RABEP1: variants seen among roughly 807,000 people sequenced by gnomAD.
The protein encoded by RABEP1 is rab GTPase-binding effector protein 1.
RABEP1 carries 51 observed loss-of-function variants against 123.4 expected under a neutral mutation model. That is an observed-to-expected ratio of 0.41 (90% CI 0.33 to 0.52). The LOEUF (loss-of-function observed/expected upper bound fraction) is 0.52. RABEP1 is among the 20% of genes least tolerant of loss of function. The pLI is 0.16. For missense variants in RABEP1, 888 were observed against 996.3 expected (o/e 0.89, Z 1.46); for synonymous variants, 347 against 355.2 (o/e 0.98, Z 0.26).
In RABEP1 at chr17:5,304,196, C is replaced by G. The variant is rs375232942; in HGVS notation, c.35-4498C>G. 3.2e-4 allele frequency among the ~76,000 whole-genome samples: 48 copies of G among 152,036 alleles called. No individual in the cohort carries two copies. The East Asian group carries it at 6.4e-3, about 20-fold the overall frequency. On this transcript the variant is annotated intron_variant, in intron 1 of 17. Transcript: ENST00000537505. ...CTTTACTCCATTTATTTATTGTATT[C>G]TTTTTTCGTTTTGTATTGCTGTTGC... is the stretch of plus-strand genomic sequence containing the variant.
At chr17:5,340,774 C>A (rs1182361259) in intron 5 of RABEP1, among the ~76,000 whole-genome samples, 1 of 151,342 alleles carries the variant, frequency 6.6e-6, no homozygotes, top group Non-Finnish European at 1.5e-5. Flanking sequence ...TAGTGAAACC[C>A]CATCTCTACT....
chr17:5,355,308 G>A (rs558454720), intron 8 of RABEP1, among the ~76,000 whole-genome samples: 1 of 152,262 alleles, frequency 6.6e-6, no homozygotes, highest in South Asian at 2.1e-4. Context: ...TTCATTTGGA[G>A]TACTTTCCTC....
At chr17:5,363,939 C>T (rs1362294331) in intron 10 of RABEP1, among the ~76,000 whole-genome samples, 1 of 152,112 alleles carries the variant, frequency 6.6e-6, no homozygotes, top group Non-Finnish European at 1.5e-5. Context: ...TCAAAGTCTA[C>T]GTAAGAAAGA....
At position 5,306,309 on chromosome 17, in the gene RABEP1, A is replaced by G. The variant is rs915317872; in HGVS notation, c.35-2385A>G. On this transcript the variant is annotated intron_variant, in intron 1 of 17. Coordinates refer to ENST00000537505, the MANE Select transcript of RABEP1 (RefSeq NM_004703.6). The stretch of plus-strand genomic sequence containing the variant: ...TATTGTTGAAGGCTGGCATTATGGT[A>G]ATTAGTTTGTTCACGATGCTATAAA... Among the ~76,000 whole-genome samples the G allele has an allele frequency of 4.6e-5, 7 of 152,230 alleles. 1 individual carries two copies. In the Middle Eastern group the frequency reaches 0.014, roughly 296 times the overall value.
At position 5,359,186 on chromosome 17, in the gene RABEP1, T is replaced by G. The variant is rs372250444; in HGVS notation, c.1096-2022T>G. On this transcript the variant is annotated intron_variant, in intron 8 of 17. Coordinates refer to ENST00000537505, the MANE Select transcript of RABEP1 (RefSeq NM_004703.6). ...CCTCCCGGGTTCACGCCATTCTCCT[T>G]CCTCAGCCTCCCAAGTAGCTGGGAC... is the stretch of plus-strand genomic sequence containing the variant. Among the ~76,000 whole-genome samples, 7 of 151,736 alleles carry G rather than the reference T, an allele frequency of 4.6e-5. No homozygotes were observed. The East Asian group carries it at 1.2e-3, about 25-fold the overall frequency.
At chr17:5,291,407 G>T (rs763921896) in intron 1 of RABEP1, among the ~76,000 whole-genome samples, 1 of 151,800 alleles carries the variant, frequency 6.6e-6, no homozygotes, top group African/African-American at 2.4e-5. Flanking sequence ...GCGAGACTCC[G>T]TTTAAAAAAA....
intron 11 of RABEP1, among the ~76,000 whole-genome samples, chr17:5,366,961 T>C (rs1378457963): frequency 6.6e-6 from 1 of 151,266 alleles, no homozygotes; most frequent in East Asian, 2.0e-4. Flanking sequence ...TTTCGGCGCA[T>C]TCCTGTAATC....
chr17:5,338,915 A>G (rs982449383), intron 5 of RABEP1, among the ~76,000 whole-genome samples: 18 of 152,224 alleles, frequency 1.2e-4, no homozygotes, highest in Admixed American at 1.1e-3. Context: ...CCAATACTTC[A>G]GGAAGCTGAG....
intron 12 of RABEP1, among the ~76,000 whole-genome samples, chr17:5,372,929 C>T (rs9911776): frequency 0.38 from 58,450 of 151,898 alleles, 13,038 homozygotes; most frequent in African/African-American, 0.62. Context: ...AGCTAACTTT[C>T]TGCATTTTAG....
rs371099490 is a variant in RABEP1, at chr17:5,369,641, T to A, written c.1884+1173T>A. Among the ~76,000 whole-genome samples the A allele has an allele frequency of 8.5e-5, 13 of 152,196 alleles. No individual in the cohort carries two copies. The East Asian group carries it at 2.3e-3, about 27-fold the overall frequency. On this transcript the variant is annotated intron_variant, in intron 12 of 17. Transcript: ENST00000537505. ...AAAAATCACTGCTAAATACTGACAG[T>A]TTCATAGCGGTGAGCCTCCTACACT...
chr17:5,384,163 T>TA lies in RABEP1; in HGVS notation c.*941dup, dbSNP rs1418069576. 9.3e-6 allele frequency: 2 copies of TA among 214,550 alleles called. No homozygotes were observed. Among genetic ancestry groups the TA allele is most frequent in the African/African-American group, 2.3e-5 (1 of 44,396 alleles). 13.3% of individuals were successfully genotyped at this position (214,550 alleles called of 1,614,324 possible). A position where few individuals can be genotyped will look rare whatever the true frequency, so the allele number is the denominator to read the frequency against. ...CAAAAATGGTAACTAGGTTGACAGATACTTTGTATTTTTCTTTTGAATTCA... is the reference window on the plus strand; with the variant it reads ...CAAAAATGGTAACTAGGTTGACAGATAACTTTGTATTTTTCTTTTGAATTCA... On this transcript the variant is annotated 3_prime_UTR_variant, in exon 18 of 18. Coordinates refer to ENST00000537505, the MANE Select transcript of RABEP1 (RefSeq NM_004703.6).
At chr17:5,330,658 G>A (rs150852112) in intron 2 of RABEP1, among the ~76,000 whole-genome samples, 1 of 152,046 alleles carries the variant, frequency 6.6e-6, no homozygotes, top group African/African-American at 2.4e-5. Flanking sequence ...GCTTTGGAGA[G>A]GAAATTGATA....
chr17:5,361,197 T>A lies in RABEP1; in HGVS notation c.1096-11T>A, dbSNP rs769674421. 6.3e-7 allele frequency: 1 copy of A among 1,599,268 alleles called. No homozygotes were observed. Among genetic ancestry groups the A allele is most frequent in the South Asian group, 1.1e-5 (1 of 88,998 alleles). ...TTGTCTAACTTGGCCATATGTATTT[T>A]CACATTTCAGGAGCATTTAGACAGC... On this transcript the variant is annotated splice_polypyrimidine_tract_variant and intron_variant, in intron 8 of 17. Transcript: ENST00000537505.
intron 14 of RABEP1, among the ~76,000 whole-genome samples, 186 bp from the exon 15 acceptor site, chr17:5,377,991 G>T (rs1597299980): frequency 6.6e-6 from 1 of 152,104 alleles, no homozygotes; most frequent in African/African-American, 2.4e-5. Flanking sequence ...GTGTCCATTT[G>T]CATGGATCCT....
rs909701161 is a variant in RABEP1, at chr17:5,343,645, A to G, written c.649-3145A>G. On this transcript the variant is annotated intron_variant, in intron 5 of 17. Coordinates refer to ENST00000537505, the MANE Select transcript of RABEP1 (RefSeq NM_004703.6). The stretch of plus-strand genomic sequence containing the variant: ...CCACTCTCTCCACCTTGTTGTCTTC[A>G]AAAAGATTTCTTTCTTTCTTTTCTC... Among the ~76,000 whole-genome samples the G allele has an allele frequency of 2.6e-5, 4 of 151,222 alleles. No homozygotes were observed. The East Asian group carries it at 7.7e-4, about 29-fold the overall frequency.
intron 2 of RABEP1, among the ~76,000 whole-genome samples, chr17:5,318,436 TTAC>T (rs1245082182): frequency 6.6e-5 from 10 of 152,122 alleles, no homozygotes; most frequent in Non-Finnish European, 1.3e-4. Context: ...TAAAAAAAGA[TTAC>T]TAACGAGAAA....
intron 1 of RABEP1, among the ~76,000 whole-genome samples, chr17:5,303,467 C>T (rs546255779): frequency 4.6e-5 from 7 of 152,174 alleles, no homozygotes; most frequent in African/African-American, 1.7e-4. Flanking sequence ...GTCTTGAACT[C>T]CTGTCCTGAA....
rs373197529 is a variant in RABEP1 at position 5,299,790 on chromosome 17, C to T, written c.35-8904C>T. Among the ~76,000 whole-genome samples, 12 of 129,758 alleles carry T rather than the reference C, an allele frequency of 9.2e-5. No individual in the cohort carries two copies. In the East Asian group the frequency reaches 2.1e-3, roughly 23 times the overall value. 85.1% of individuals were successfully genotyped at this position (129,758 alleles called of 152,430 possible). A position where few individuals can be genotyped will look rare whatever the true frequency, so the allele number is the denominator to read the frequency against. On this transcript the variant is annotated intron_variant, in intron 1 of 17. Coordinates refer to ENST00000537505, the MANE Select transcript of RABEP1 (RefSeq NM_004703.6). ...TTGTCGCCAGGCTGGAGTGCAATGGCGTGATCTCGGCTCACTGCAACCTCT... is the reference window on the plus strand; with the variant it reads ...TTGTCGCCAGGCTGGAGTGCAATGGTGTGATCTCGGCTCACTGCAACCTCT...
chr17:5,288,157 C>G (rs1297213725), intron 1 of RABEP1, among the ~76,000 whole-genome samples: 2 of 151,778 alleles, frequency 1.3e-5, no homozygotes, highest in South Asian at 4.2e-4. Context: ...ACTTATTTGA[C>G]CAATATACAG....
Sources: gnomAD v4.1 joint callset for allele counts (sites outside exome capture counted in the v4.1 genomes callset) on GRCh38, gnomAD v4.1.1 for gene constraint, MANE v1.5 for transcripts, NCBI Gene and HGNC (gene_info 2026-07-23, HGNC 2026-07-21) for gene names.